Variants in ATP2C2 observed in about 807,000 individuals in gnomAD.
The protein encoded by ATP2C2 is ATPase secretory pathway Ca2+ transporting 2, also known as calcium-transporting ATPase type 2C member 2.
ATP2C2 carries 171 observed loss-of-function variants against 110.8 expected under a neutral mutation model. The ratio of observed to expected loss-of-function variants is 1.54; its 90% CI spans 1.36 to 1.75. The LOEUF (loss-of-function observed/expected upper bound fraction) is 1.75, where lower values mean the gene tolerates loss of function less well. Ranked by LOEUF, ATP2C2 falls within the 40% of genes most tolerant of loss-of-function variation. ATP2C2 has a pLI of 0.00. For missense variants in ATP2C2, 1,963 were observed against 1,235.0 expected (o/e 1.59, Z -8.84); for synonymous variants, 804 against 508.4 (o/e 1.58, Z -7.82).
At chr16:84,378,749 CCTT>C (rs1301696757) in intron 1 of ATP2C2, among the ~76,000 whole-genome samples, 1 of 152,310 alleles carries the variant, frequency 6.6e-6, no homozygotes, top group East Asian at 1.9e-4. Context: ...ACGGCCCCCT[CCTT>C]GAAAAATGAC....
chr16:84,378,951 C>T lies in ATP2C2; in HGVS notation c.99+10237C>T, dbSNP rs561963050. ...CTACTCCAGCCACTCCTCTGGCCCTCACCTACTTTTTTTTTTCAACTTCTA... is the reference window on the plus strand; with the variant it reads ...CTACTCCAGCCACTCCTCTGGCCCTTACCTACTTTTTTTTTTCAACTTCTA... On this transcript the variant is annotated intron_variant, in intron 1 of 26. Transcript: ENST00000262429. Among the ~76,000 whole-genome samples, 30 of 152,042 alleles carry T rather than the reference C, an allele frequency of 2.0e-4. 1 individual carries two copies. Among genetic ancestry groups the T allele is most frequent in the Admixed American group, 5.2e-4 (8 of 15,264 alleles).
At chr16:84,403,809 G>A (rs1490719027) in intron 2 of ATP2C2, among the ~76,000 whole-genome samples, 3 of 152,090 alleles carry the variant, frequency 2.0e-5, no homozygotes, top group Non-Finnish European at 2.9e-5. Context: ...TCCTGCCTCA[G>A]CCTCCTGAGT....
chr16:84,408,088 A>G (rs887585114), intron 3 of ATP2C2, among the ~76,000 whole-genome samples: 23 of 152,324 alleles, frequency 1.5e-4, no homozygotes, highest in African/African-American at 5.5e-4. Flanking sequence ...CTGAGCCAGG[A>G]CTGGCATCTT....
intron 2 of ATP2C2, among the ~76,000 whole-genome samples, chr16:84,399,332 G>C (rs1905182004): frequency 6.6e-6 from 1 of 152,198 alleles, no homozygotes; most frequent in Non-Finnish European, 1.5e-5. Context: ...GGGGGAGGAA[G>C]TATTTCTTCT....
At chr16:84,396,988 G>T (rs1905024494) in intron 1 of ATP2C2, among the ~76,000 whole-genome samples, 1 of 151,778 alleles carries the variant, frequency 6.6e-6, no homozygotes, top group Non-Finnish European at 1.5e-5. Context: ...AAGGAAGAGT[G>T]GGATTTGCAA....
chr16:84,461,004 G>A, intron 24 of ATP2C2: 2 of 697,688 alleles, frequency 2.9e-6, no homozygotes, highest in East Asian at 2.9e-5. Context: ...GTCGCCAGGT[G>A]TGTGCCTGGG....
chr16:84,453,848 GT>G (rs1910547507), intron 20 of ATP2C2, among the ~76,000 whole-genome samples: 1 of 152,004 alleles, frequency 6.6e-6, no homozygotes, highest in South Asian at 2.1e-4. Flanking sequence ...TTTTCTGGGG[GT>G]GGGGTTGTAG....
At chr16:84,452,751 G>A (rs1410597990) in intron 18 of ATP2C2, among the ~76,000 whole-genome samples, 2 of 151,884 alleles carry the variant, frequency 1.3e-5, no homozygotes, top group Admixed American at 6.6e-5. Context: ...TGCCCACCTC[G>A]GCCTCACAAA....
rs1907744359 is a variant in ATP2C2 at position 84,425,669 on chromosome 16, G to C, written c.920-66G>C. On this transcript the variant is annotated intron_variant, in intron 10 of 26. Coordinates refer to ENST00000262429, the MANE Select transcript of ATP2C2 (RefSeq NM_014861.4). ...GTAAACTCTTTAAGGAAGTGAGTTTGAATCCCTCCAGGCATCAGCGTGTGT... is the reference window on the plus strand; with the variant it reads ...GTAAACTCTTTAAGGAAGTGAGTTTCAATCCCTCCAGGCATCAGCGTGTGT... 7 of 1,552,640 alleles carry C rather than the reference G, an allele frequency of 4.5e-6. No individual in the cohort carries two copies. The East Asian group carries it at 1.3e-4, about 30-fold the overall frequency.
chr16:84,417,709 T>C (rs940893155), intron 7 of ATP2C2, among the ~76,000 whole-genome samples: 2 of 152,164 alleles, frequency 1.3e-5, no homozygotes, highest in African/African-American at 4.8e-5. Flanking sequence ...CTGGGCAACA[T>C]AGTGACACTC....
chr16:84,371,786 G>T (rs920177253), intron 1 of ATP2C2, among the ~76,000 whole-genome samples: 4 of 152,200 alleles, frequency 2.6e-5, no homozygotes, highest in African/African-American at 7.2e-5. Flanking sequence ...CCCAACAGAC[G>T]AATGTAGTGA....
chr16:84,368,890 C>T (rs1049802007), intron 1 of ATP2C2, among the ~76,000 whole-genome samples, 176 bp downstream of exon 1: 3 of 152,212 alleles, frequency 2.0e-5, no homozygotes, highest in African/African-American at 7.2e-5. Context: ...CGCTCTGGCG[C>T]GGGGAGCTCA....
At position 84,452,066 on chromosome 16, in the gene ATP2C2, T is replaced by G; in HGVS notation, c.1806T>G (p.Asp602Glu). ...TGTCTGTGAAGATGATAACGGGGGA[T>G]GCCCTGGAGACGGCCTTGGCCATAG... ...SGVSVKMITGDALETALAIGR... is the reference protein window; with the variant it reads ...SGVSVKMITGEALETALAIGR... The change falls in exon 18 of 27, where the codon GAT (aspartate) becomes GAG (glutamate). Residue 602 changes from aspartate to glutamate, a missense_variant. Asp to Glu is a conservative substitution (Grantham distance 45). Transcript: ENST00000262429. The G allele has an allele frequency of 6.2e-7, 1 of 1,613,608 alleles. No individual in the cohort carries two copies.
At chr16:84,461,237 C>T (rs691229) in intron 24 of ATP2C2, 30,747 of 257,916 alleles carry the variant, frequency 0.12, 2,496 homozygotes, top group Non-Finnish European at 0.15. Context: ...GGACGGGCCA[C>T]GATCTAGGTG....
In ATP2C2 at chr16:84,463,772, C is replaced by A. The variant is rs752617865; in HGVS notation, c.*40C>A. On this transcript the variant is annotated 3_prime_UTR_variant, in exon 27 of 27. Transcript: ENST00000262429. ...CGGCACCTTCCCTAATCATCTCGATCTGGTTGTGACTGTGGCCCCTGCCGT... is the reference window on the plus strand; with the variant it reads ...CGGCACCTTCCCTAATCATCTCGATATGGTTGTGACTGTGGCCCCTGCCGT... The A allele has an allele frequency of 3.1e-5, 47 of 1,530,832 alleles. No individual in the cohort carries two copies. The South Asian group carries it at 4.6e-4, about 15-fold the overall frequency. The allele number at this position is 1,530,832 out of a possible 1,614,324, so 94.8% of individuals were successfully genotyped here. A position where few individuals can be genotyped will look rare whatever the true frequency, so the allele number is the denominator to read the frequency against.
chr16:84,462,241 C>T (rs1218077518), intron 26 of ATP2C2, 112 bp downstream of exon 26: 8 of 1,393,668 alleles, frequency 5.7e-6, no homozygotes, highest in Non-Finnish European at 7.8e-6. Context: ...AAGCAGAGCT[C>T]ACCAGGGGCC....
intron 1 of ATP2C2, among the ~76,000 whole-genome samples, chr16:84,393,309 G>A (rs1597750942): frequency 6.6e-6 from 1 of 152,188 alleles, no homozygotes; most frequent in African/African-American, 2.4e-5. Context: ...GGGGTGCCCA[G>A]GTAAGCATCC....
chr16:84,440,079 C>G (rs1309476336), intron 13 of ATP2C2, among the ~76,000 whole-genome samples: 3 of 152,246 alleles, frequency 2.0e-5, no homozygotes, highest in African/African-American at 4.8e-5. Context: ...CTCAGGTGAT[C>G]CGCCCGCCTT....
intron 13 of ATP2C2, among the ~76,000 whole-genome samples, chr16:84,440,324 A>G (rs1330212610): frequency 1.3e-5 from 2 of 152,158 alleles, no homozygotes; most frequent in African/African-American, 2.4e-5. Flanking sequence ...TGAATGTGCA[A>G]TTTTTTTATC....
Sources: gnomAD v4.1 joint callset for allele counts (sites outside exome capture counted in the v4.1 genomes callset) on GRCh38, gnomAD v4.1.1 for gene constraint, MANE v1.5 for transcripts, NCBI Gene and HGNC (gene_info 2026-07-23, HGNC 2026-07-21) for gene names.